The following BLTP3B variants were observed in gnomAD, a reference collection of about 807,000 sequenced individuals.
BLTP3B encodes the protein UHRF1 (ICBP90) binding protein 1-like.
At chr12:100,083,898 C>T in the BLTP3B span, among the ~76,000 whole-genome samples, 1 of 152,140 alleles carries the variant, frequency 6.6e-6, no homozygotes, top group Non-Finnish European at 1.5e-5. Flanking sequence ...ATTAAAAATA[C>T]TTGGCTTAGG....
At chr12:100,050,206 T>C in the BLTP3B span, 17 of 1,590,168 alleles carry the variant, frequency 1.1e-5, no homozygotes, top group Admixed American at 3.7e-5. Flanking sequence ...AAGGCTGATA[T>C]TGCCTAATTG....
chr12:100,045,849 G>C, the BLTP3B span, among the ~76,000 whole-genome samples: 21 of 151,966 alleles, frequency 1.4e-4, no homozygotes, highest in African/African-American at 5.1e-4. Flanking sequence ...GGTTAATATC[G>C]AGAATCTACA....
the BLTP3B span, among the ~76,000 whole-genome samples, chr12:100,083,690 C>CA: frequency 0.14 from 17,878 of 127,942 alleles, 1,403 homozygotes; most frequent in Middle Eastern, 0.23. Context: ...ACTGGGCCAG[C>CA]AAAAAAAAAA....
chr12:100,061,901 T>C, the BLTP3B span, among the ~76,000 whole-genome samples: 2 of 152,196 alleles, frequency 1.3e-5, no homozygotes, highest in Non-Finnish European at 2.9e-5. Context: ...CCAAAATTCA[T>C]TTACTGAAAT....
the BLTP3B span, among the ~76,000 whole-genome samples, chr12:100,076,532 T>C: frequency 3.3e-5 from 5 of 151,996 alleles, no homozygotes; most frequent in Non-Finnish European, 5.9e-5. Flanking sequence ...TAGCTGGGAC[T>C]ATAGGCATGC....
the BLTP3B span, chr12:100,047,894 C>T: frequency 9.9e-5 from 135 of 1,359,670 alleles, no homozygotes; most frequent in African/African-American, 1.7e-3. Context: ...GAATGAAAGT[C>T]CAGATAAGGA....
the BLTP3B span, among the ~76,000 whole-genome samples, chr12:100,123,221 A>T: frequency 6.6e-6 from 1 of 152,204 alleles, no homozygotes; most frequent in Non-Finnish European, 1.5e-5. Flanking sequence ...ACTATGTGGC[A>T]GACACCAATC....
chr12:100,065,110 G>C, the BLTP3B span, among the ~76,000 whole-genome samples: 8 of 152,162 alleles, frequency 5.3e-5, no homozygotes, highest in Non-Finnish European at 1.2e-4. Flanking sequence ...AAATTGTGAA[G>C]ATTTCATGGA....
At chr12:100,087,158 C>CAAAAAAAAAA in the BLTP3B span, among the ~76,000 whole-genome samples, 2 of 59,852 alleles carry the variant, frequency 3.3e-5, no homozygotes, top group African/African-American at 6.3e-5. Context: ...GACTCCATCT[C>CAAAAAAAAAA]AAAAAAAAAA....
the BLTP3B span, chr12:100,095,804 C>T: frequency 6.2e-7 from 1 of 1,611,360 alleles, no homozygotes; most frequent in Non-Finnish European, 8.5e-7. Flanking sequence ...AATATTAGAA[C>T]TAACTTTGTT....
the BLTP3B span, among the ~76,000 whole-genome samples, chr12:100,040,198 C>T: frequency 6.6e-6 from 1 of 151,998 alleles, no homozygotes; most frequent in African/African-American, 2.4e-5. Flanking sequence ...AGAAATAAAA[C>T]ACTATAAAGG....
the BLTP3B span, chr12:100,072,695 T>C: frequency 1.3e-6 from 2 of 1,560,562 alleles, no homozygotes; most frequent in South Asian, 1.2e-5. Context: ...TCCATCTGGA[T>C]AGTAATATTC....
chr12:100,141,016 AAGT>A, the BLTP3B span, among the ~76,000 whole-genome samples: 2 of 151,918 alleles, frequency 1.3e-5, no homozygotes, highest in African/African-American at 4.8e-5. Flanking sequence ...ACGAGTGAGA[AAGT>A]AGGCATTCAA....
At chr12:100,126,369 C>G in the BLTP3B span, among the ~76,000 whole-genome samples, 23 of 151,974 alleles carry the variant, frequency 1.5e-4, no homozygotes, top group South Asian at 4.2e-4. Context: ...TCCAAGCCAA[C>G]GAATATGGGT....
chr12:100,067,153 A>G, the BLTP3B span, among the ~76,000 whole-genome samples: 1 of 152,184 alleles, frequency 6.6e-6, no homozygotes, highest in Admixed American at 6.5e-5. Flanking sequence ...AACTATAGTG[A>G]CAAAACCTAT....
the BLTP3B span, among the ~76,000 whole-genome samples, chr12:100,113,832 A>AT: frequency 1.3e-5 from 2 of 152,150 alleles, no homozygotes; most frequent in African/African-American, 2.4e-5. Context: ...ATTATACAAT[A>AT]TTTCATGGTA....
the BLTP3B span, among the ~76,000 whole-genome samples, chr12:100,065,482 A>G: frequency 6.6e-6 from 1 of 152,238 alleles, no homozygotes; most frequent in Admixed American, 6.5e-5. Context: ...GAATATTAAT[A>G]ATTAAGACCC....
At chr12:100,072,885 C>A in the BLTP3B span, 3 of 1,479,338 alleles carry the variant, frequency 2.0e-6, no homozygotes, top group Non-Finnish European at 2.7e-6. Flanking sequence ...GCAACCCAGA[C>A]AGTACTTTTA....
chr12:100,060,095 T>C, the BLTP3B span: 1 of 1,358,344 alleles, frequency 7.4e-7, no homozygotes, highest in South Asian at 1.6e-5. Context: ...GTTCTAAATC[T>C]TCCCTGAGAA....
Sources: allele counts gnomAD v4.1 joint callset (sites outside exome capture counted in the v4.1 genomes callset), GRCh38; gene constraint gnomAD v4.1.1; transcripts MANE v1.5; gene names NCBI Gene and HGNC (gene_info 2026-07-23, HGNC 2026-07-21).